The following LYRM4 variants were observed in gnomAD, a reference collection of about 807,000 sequenced individuals.
LYRM4 encodes the protein LYR motif-containing protein 4.
LYRM4 carries 9 observed loss-of-function variants against 11.7 expected under a neutral mutation model. The observed-to-expected ratio is 0.77, with a 90% CI of 0.46 to 1.34. The LOEUF is 1.34. LYRM4 is among the 40% of genes most tolerant of loss of function. The pLI, the probability that LYRM4 is intolerant of heterozygous loss-of-function variation, is 0.00. For missense variants in LYRM4, 133 were observed against 112.5 expected (o/e 1.18, Z -0.82); for synonymous variants, 42 against 40.4 (o/e 1.04, Z -0.15).
chr6:5,130,273 T>C (rs1763890655), intron 2 of LYRM4, among the ~76,000 whole-genome samples: 1 of 152,156 alleles, frequency 6.6e-6, no homozygotes, highest in Non-Finnish European at 1.5e-5. Context: ...ATTCTGGGAT[T>C]AGTGGGCCTG....
chr6:5,201,338 C>T (rs1216321887), intron 2 of LYRM4, among the ~76,000 whole-genome samples: 1 of 152,172 alleles, frequency 6.6e-6, no homozygotes, highest in East Asian at 1.9e-4. Context: ...CTCAAATGCT[C>T]TTCCCTGTCT....
At chr6:5,244,561 T>C (rs1444777513) in intron 1 of LYRM4, among the ~76,000 whole-genome samples, 1 of 151,954 alleles carries the variant, frequency 6.6e-6, no homozygotes, top group Non-Finnish European at 1.5e-5. Context: ...CTGGGCTAGT[T>C]TGTGAGTTCA....
At chr6:5,069,574 G>A in the LYRM4 span, among the ~76,000 whole-genome samples, 80 of 151,924 alleles carry the variant, frequency 5.3e-4, no homozygotes, top group Middle Eastern at 6.8e-3. Context: ...TCCACCTCCC[G>A]GGTTCAAGCA....
the LYRM4 span, among the ~76,000 whole-genome samples, chr6:5,047,264 T>C: frequency 6.6e-6 from 1 of 152,208 alleles, no homozygotes; most frequent in Non-Finnish European, 1.5e-5. Context: ...ACTTTAGATT[T>C]CCACTATCAG....
the LYRM4 span, chr6:5,089,055 T>C: frequency 6.6e-6 from 1 of 152,296 alleles, no homozygotes; most frequent in South Asian, 2.1e-4. Flanking sequence ...AGTAAACTGA[T>C]CATAGGAAAA....
chr6:5,256,654 A>G (rs1269072905), intron 1 of LYRM4, among the ~76,000 whole-genome samples: 1 of 152,084 alleles, frequency 6.6e-6, no homozygotes, highest in Non-Finnish European at 1.5e-5. Flanking sequence ...GTGGGGTCAC[A>G]CAGAGTTGGT....
chr6:5,196,603 T>C (rs527506917), intron 2 of LYRM4, among the ~76,000 whole-genome samples: 1 of 152,362 alleles, frequency 6.6e-6, no homozygotes, highest in African/African-American at 2.4e-5. Flanking sequence ...TCAGAGGAGC[T>C]GGGCACAGCA....
chr6:5,208,573 G>T (rs1223583436), intron 2 of LYRM4, among the ~76,000 whole-genome samples: 1 of 152,210 alleles, frequency 6.6e-6, no homozygotes, highest in Non-Finnish European at 1.5e-5. Flanking sequence ...GACGCATAGG[G>T]ACAGGCTTCT....
intron 2 of LYRM4, among the ~76,000 whole-genome samples, chr6:5,183,449 T>C (rs1760197023): frequency 6.6e-6 from 1 of 152,238 alleles, no homozygotes; most frequent in Non-Finnish European, 1.5e-5. Context: ...ACTGCTATTA[T>C]TATTATAGCC....
chr6:5,102,965 C>T (rs1220793926), downstream of LYRM4: 1 of 152,254 alleles, frequency 6.6e-6, no homozygotes, highest in East Asian at 1.9e-4. Context: ...GAAGTCAAAA[C>T]TCTGCCCTTG....
At chr6:5,118,094 A>ATATATATATATATATTTT in intron 2 of LYRM4, among the ~76,000 whole-genome samples, 130 of 86,028 alleles carry the variant, frequency 1.5e-3, no homozygotes, top group Middle Eastern at 0.011. Flanking sequence ...ATATATATAT[A>ATATATATATATATATTTT]TTTTTGTTTT....
chr6:5,160,977 T>G (rs983938340), intron 2 of LYRM4, among the ~76,000 whole-genome samples: 1 of 152,226 alleles, frequency 6.6e-6, no homozygotes, highest in African/African-American at 2.4e-5. Flanking sequence ...CTAACTGCTC[T>G]GGACTTCAGC....
intron 2 of LYRM4, among the ~76,000 whole-genome samples, chr6:5,118,096 T>TTTTTTTTTTTTTTG (rs748663388): frequency 2.5e-5 from 2 of 78,706 alleles, no homozygotes; most frequent in Non-Finnish European, 4.6e-5. Context: ...ATATATATAT[T>TTTTTTTTTTTTTTG]TTTGTTTTGT....
At chr6:5,037,584 G>A in the LYRM4 span, among the ~76,000 whole-genome samples, 5 of 82,278 alleles carry the variant, frequency 6.1e-5, no homozygotes, top group East Asian at 6.2e-4. Flanking sequence ...CAGTAGGGGC[G>A]GCCGGGCAGA....
At chr6:5,040,541 G>GA in the LYRM4 span, among the ~76,000 whole-genome samples, 108,142 of 148,314 alleles carry the variant, frequency 0.73, 39,927 homozygotes, top group East Asian at 0.95. Context: ...ATCTCTAAAA[G>GA]AAAAAAAAAA....
chr6:5,155,102 G>C (rs1232113942), intron 2 of LYRM4, among the ~76,000 whole-genome samples: 1 of 152,110 alleles, frequency 6.6e-6, no homozygotes, highest in African/African-American at 2.4e-5. Flanking sequence ...ATTTTTTTGA[G>C]ATAGAGTCTT....
intron 2 of LYRM4, among the ~76,000 whole-genome samples, chr6:5,162,933 A>G (rs1758855119): frequency 6.6e-6 from 1 of 152,154 alleles, no homozygotes; most frequent in Non-Finnish European, 1.5e-5. Flanking sequence ...GTCTTTACCT[A>G]TTTTTAAAAG....
At chr6:5,163,369 A>C (rs1475630857) in intron 2 of LYRM4, among the ~76,000 whole-genome samples, 1 of 152,156 alleles carries the variant, frequency 6.6e-6, no homozygotes, top group African/African-American at 2.4e-5. Flanking sequence ...TGACTGTATA[A>C]AAGTGGGTTT....
chr6:5,186,054 T>C (rs904871275), intron 2 of LYRM4, among the ~76,000 whole-genome samples: 2 of 152,146 alleles, frequency 1.3e-5, no homozygotes, highest in Non-Finnish European at 2.9e-5. Context: ...CCTGGGTATC[T>C]GTGCAGGAGC....
Sources: gnomAD v4.1 joint callset for allele counts (sites outside exome capture counted in the v4.1 genomes callset) on GRCh38, gnomAD v4.1.1 for gene constraint, MANE v1.5 for transcripts, NCBI Gene and HGNC (gene_info 2026-07-23, HGNC 2026-07-21) for gene names.